TSHZ2: variants seen among roughly 807,000 people sequenced by gnomAD.
TSHZ2 encodes teashirt zinc finger homeobox 2.
In TSHZ2, 21 loss-of-function variants were observed where a neutral mutation model predicts 74.4. The observed-to-expected ratio is 0.28, with a 90% confidence interval of 0.20 to 0.41. The LOEUF (loss-of-function observed/expected upper bound fraction) is 0.41, where lower values mean the gene tolerates loss of function less well. Among genes scored for constraint, TSHZ2 ranks in the 10% least tolerant of loss-of-function variants. TSHZ2 has a pLI of 1.00. For synonymous variants in TSHZ2, 540 were observed against 515.3 expected (o/e 1.05, Z -0.65); for missense variants, 1,244 against 1,293.5 (o/e 0.96, Z 0.59).
intron 2 of TSHZ2, among the ~76,000 whole-genome samples, chr20:53,346,039 G>A (rs1980426688): frequency 6.6e-6 from 1 of 152,170 alleles, no homozygotes; most frequent in East Asian, 1.9e-4. Context: ...AAAAGTCAAG[G>A]CAGACTTGTG....
In TSHZ2 at chr20:53,199,121, G is replaced by A. The variant is rs16997732; in HGVS notation, c.41-54378G>A. On this transcript the variant is annotated intron_variant, in intron 1 of 2. Coordinates refer to ENST00000371497, the MANE Select transcript of TSHZ2 (RefSeq NM_173485.6). ...ATAAAGCGTTCTATACAAAGCCATC[G>A]TTACAGAGCCTGACGTAGAGCCAAC... Among the ~76,000 whole-genome samples, 971 of 152,284 alleles carry A rather than the reference G, an allele frequency of 6.4e-3. 11 individuals carry two copies. Among genetic ancestry groups the A allele is most frequent in the African/African-American group, 0.022 (929 of 41,562 alleles).
chr20:53,048,049 C>A (rs139248459), intron 1 of TSHZ2, among the ~76,000 whole-genome samples: 197 of 152,238 alleles, frequency 1.3e-3, no homozygotes, highest in African/African-American at 4.5e-3. Context: ...CTGCCCCCAG[C>A]GCCTTTTGTG....
At chr20:53,108,760 C>A (rs1315040271) in intron 1 of TSHZ2, among the ~76,000 whole-genome samples, 1 of 152,172 alleles carries the variant, frequency 6.6e-6, no homozygotes, top group Non-Finnish European at 1.5e-5. Context: ...TTCCCACAAC[C>A]AAGAATCTGT....
chr20:53,234,676 G>A (rs1222235559), intron 1 of TSHZ2, among the ~76,000 whole-genome samples: 1 of 152,154 alleles, frequency 6.6e-6, no homozygotes, highest in African/African-American at 2.4e-5. Context: ...TGCAGAGACA[G>A]CAGCCAGCGC....
chr20:53,046,855 T>C (rs1984246848), intron 1 of TSHZ2, among the ~76,000 whole-genome samples: 1 of 152,202 alleles, frequency 6.6e-6, no homozygotes, highest in African/African-American at 2.4e-5. Flanking sequence ...ATGCATTCTG[T>C]GTACTTCACA....
chr20:53,307,207 G>A (rs113333659), intron 2 of TSHZ2, among the ~76,000 whole-genome samples: 3,559 of 152,126 alleles, frequency 0.023, 157 homozygotes, highest in African/African-American at 0.08. Context: ...CTCCCAGGCT[G>A]CAACTTGATT....
chr20:53,197,243 G>A (rs558699754), intron 1 of TSHZ2, among the ~76,000 whole-genome samples: 22 of 152,342 alleles, frequency 1.4e-4, no homozygotes, highest in Middle Eastern at 3.4e-3. Flanking sequence ...ACTGTCAGCA[G>A]TTGCTGGCTA....
At chr20:53,399,622 G>A (rs1191517966) in intron 2 of TSHZ2, 2 of 152,118 alleles carry the variant, frequency 1.3e-5, no homozygotes, top group Non-Finnish European at 1.5e-5. Flanking sequence ...GTACTAGTGT[G>A]GCCCCGCACC....
In TSHZ2 at chr20:53,423,833, T is replaced by G. The variant is rs1375255446; in HGVS notation, c.*9-63311T>G. Among the ~76,000 whole-genome samples the G allele has an allele frequency of 3.3e-5, 5 of 152,338 alleles. No homozygotes were observed. In the East Asian group the frequency reaches 7.7e-4, roughly 23 times the overall value. The stretch of plus-strand genomic sequence containing the variant: ...GTAATCAACTCATAGTTTAAACCAA[T>G]GGTTCTCAAAGCAGGTGAGTTTCGG... On this transcript the variant is annotated intron_variant, in intron 2 of 2. Transcript: ENST00000371497.
chr20:53,238,392 A>G (rs1365889459), intron 1 of TSHZ2, among the ~76,000 whole-genome samples: 4 of 152,134 alleles, frequency 2.6e-5, no homozygotes, highest in Admixed American at 6.6e-5. Flanking sequence ...TCAAAAGACA[A>G]TCTCTCTATC....
rs1291012613 is a variant in TSHZ2 at position 53,038,767 on chromosome 20, T to C, written c.40+65434T>C. ...CCAGAGAGATAAAGGTACTGACTGT[T>C]GTTATTGAGAGATACTCATGCAGAC... On this transcript the variant is annotated intron_variant, in intron 1 of 2. Transcript: ENST00000371497. Among the ~76,000 whole-genome samples the C allele has an allele frequency of 3.9e-5, 6 of 152,212 alleles. No individual in the cohort carries two copies. In the East Asian group the frequency reaches 1.2e-3, roughly 29 times the overall value.
rs1159378668 is a variant in TSHZ2, at chr20:52,982,429, G to A, written c.40+9096G>A. The stretch of plus-strand genomic sequence containing the variant: ...GGGTTAATTGAGAGCCTAGACGGAG[G>A]ATGCTGCCTTTAGCGGCATCTCCAG... On this transcript the variant is annotated intron_variant, in intron 1 of 2. Coordinates refer to ENST00000371497, the MANE Select transcript of TSHZ2 (RefSeq NM_173485.6). Among the ~76,000 whole-genome samples, 52 of 152,192 alleles carry A rather than the reference G, an allele frequency of 3.4e-4. 1 individual carries two copies. The highest frequency in any genetic ancestry group is 3.3e-3 in the Admixed American group (51 of 15,288).
intron 1 of TSHZ2, among the ~76,000 whole-genome samples, chr20:53,137,550 T>A (rs1987278158): frequency 6.6e-6 from 1 of 152,124 alleles, no homozygotes; most frequent in South Asian, 2.1e-4. Context: ...CATCCCTCTC[T>A]CACCCATCAA....
At chr20:53,445,944 C>G (rs569373324) in intron 2 of TSHZ2, among the ~76,000 whole-genome samples, 1 of 152,242 alleles carries the variant, frequency 6.6e-6, no homozygotes, top group South Asian at 2.1e-4. Context: ...AGAGGAAGAC[C>G]ACAGGCCTCA....
At chr20:53,469,501 G>A (rs866018889) in intron 2 of TSHZ2, among the ~76,000 whole-genome samples, 1 of 151,532 alleles carries the variant, frequency 6.6e-6, no homozygotes, top group Non-Finnish European at 1.5e-5. Context: ...CCGAGATCAC[G>A]CCACTGCACT....
chr20:53,184,498 A>G (rs1357874702), intron 1 of TSHZ2, among the ~76,000 whole-genome samples: 1 of 152,222 alleles, frequency 6.6e-6, no homozygotes, highest in Admixed American at 6.5e-5. Context: ...TTAAGGCATT[A>G]TAAAATAGGA....
At chr20:53,179,989 G>T (rs1285275801) in intron 1 of TSHZ2, among the ~76,000 whole-genome samples, 1 of 152,208 alleles carries the variant, frequency 6.6e-6, no homozygotes, top group Non-Finnish European at 1.5e-5. Context: ...AACACCTTCT[G>T]AAAGGAAAAT....
chr20:53,242,918 A>G lies in TSHZ2; in HGVS notation c.41-10581A>G, dbSNP rs1213077146. The stretch of plus-strand genomic sequence containing the variant: ...TGGGATACAGTGGTAAACAAGATAG[A>G]TTTGACCTGCCCTCTGGGAGCTTAC... On this transcript the variant is annotated intron_variant, in intron 1 of 2. Coordinates refer to ENST00000371497, the MANE Select transcript of TSHZ2 (RefSeq NM_173485.6). Among the ~76,000 whole-genome samples, 7 of 152,218 alleles carry G rather than the reference A, an allele frequency of 4.6e-5. No homozygotes were observed. In the East Asian group the frequency reaches 1.3e-3, roughly 29 times the overall value.
chr20:53,004,914 C>G (rs1396255561), intron 1 of TSHZ2, among the ~76,000 whole-genome samples: 1 of 152,126 alleles, frequency 6.6e-6, no homozygotes, highest in Non-Finnish European at 1.5e-5. Flanking sequence ...CTAAGAGAGA[C>G]AGGAGGAAAT....
Sources: allele counts gnomAD v4.1 joint callset (sites outside exome capture counted in the v4.1 genomes callset), GRCh38; gene constraint gnomAD v4.1.1; transcripts MANE v1.5; gene names NCBI Gene and HGNC (gene_info 2026-07-23, HGNC 2026-07-21).